Variants in FLRT2 observed in about 807,000 individuals in gnomAD.
FLRT2 encodes fibronectin leucine rich transmembrane protein 2.
Under a neutral mutation model 40.0 loss-of-function variants are expected in FLRT2, and 15 were observed. The ratio of observed to expected loss-of-function variants is 0.38; its 90% CI spans 0.25 to 0.58. The LOEUF is 0.58. Among genes scored for constraint, FLRT2 ranks in the 20% least tolerant of loss-of-function variants. The pLI, the probability that FLRT2 is intolerant of heterozygous loss-of-function variation, is 0.71. For missense variants in FLRT2, 726 were observed against 840.0 expected, an observed-to-expected ratio of 0.86 and a Z score of 1.68; for synonymous variants, 380 against 336.8, an observed-to-expected ratio of 1.13 and a Z score of -1.41.
intron 1 of FLRT2, among the ~76,000 whole-genome samples, chr14:85,596,550 G>A (rs539799926): frequency 1.3e-5 from 2 of 152,064 alleles, no homozygotes; most frequent in South Asian, 4.2e-4. Context: ...TTTTAATGTG[G>A]GAATTTATTT....
At chr14:85,538,898 A>G (rs539638012) in intron 1 of FLRT2, among the ~76,000 whole-genome samples, 1 of 152,264 alleles carries the variant, frequency 6.6e-6, no homozygotes, top group African/African-American at 2.4e-5. Context: ...ATCAGAATCT[A>G]GCATCTAAAC....
chr14:85,641,804 A>G lies in FLRT2; in HGVS notation c.*18307A>G, dbSNP rs1764174836. 1 of 152,212 alleles carries G rather than the reference A, an allele frequency of 6.6e-6. No homozygotes were observed. Among genetic ancestry groups the G allele is most frequent in the East Asian group, 1.9e-4 (1 of 5,194 alleles). 9.4% of individuals were successfully genotyped at this position (152,212 alleles called of 1,614,324 possible). A position where few individuals can be genotyped will look rare whatever the true frequency, so the allele number is the denominator to read the frequency against. On this transcript the variant is annotated 3_prime_UTR_variant, in exon 2 of 2. Transcript: ENST00000330753. ...ACCTAAACTGTCTGAATTTGAAAGT[A>G]GAGACAATCTTATTCATGCATAATG... is the stretch of plus-strand genomic sequence containing the variant.
chr14:85,631,126 A>ATATATATATATATATATATATATATATG lies in FLRT2; in HGVS notation c.*7632_*7633insATATATATATATATATATATATATGTAT, dbSNP rs1893862107. ...TAATCTAGATTTTATATATATATAT[A>ATATATATATATATATATATATATATATG]TATGAAATGAGCAAACAAAATGCTT... is the stretch of plus-strand genomic sequence containing the variant. On this transcript the variant is annotated 3_prime_UTR_variant, in exon 2 of 2. Transcript: ENST00000330753. 7.2e-6 allele frequency: 1 copy of ATATATATATATATATATATATATATATG among 139,546 alleles called. No homozygotes were observed. Among genetic ancestry groups the ATATATATATATATATATATATATATATG allele is most frequent in the Non-Finnish European group, 1.5e-5 (1 of 65,654 alleles). 8.6% of individuals were successfully genotyped at this position (139,546 alleles called of 1,614,324 possible). A position where few individuals can be genotyped will look rare whatever the true frequency, so the allele number is the denominator to read the frequency against.
chr14:85,561,843 T>C (rs1316656283), intron 1 of FLRT2, among the ~76,000 whole-genome samples: 1 of 152,268 alleles, frequency 6.6e-6, no homozygotes, highest in African/African-American at 2.4e-5. Flanking sequence ...CCCCGGTCTT[T>C]GGTAAAATTA....
In FLRT2 at chr14:85,621,772, T is replaced by C. The variant is rs1435771853; in HGVS notation, c.258T>C (p.Asn86=). ...NNAGFPAELH[N]VQSVHTVYLY... ...CTGGATTTCCTGCAGAACTGCACAATGTACAGTCGGTGCACACGGTCTACC... is the reference window on the plus strand; with the variant it reads ...CTGGATTTCCTGCAGAACTGCACAACGTACAGTCGGTGCACACGGTCTACC... Residue 86 remains asparagine, a synonymous_variant, in exon 2 of 2, where the codon AAT becomes AAC. Transcript: ENST00000330753. 2 of 1,614,228 alleles carry C rather than the reference T, an allele frequency of 1.2e-6. No homozygotes were observed. The highest frequency in any genetic ancestry group is 1.7e-5 in the Admixed American group (1 of 60,028).
intron 1 of FLRT2, among the ~76,000 whole-genome samples, chr14:85,539,617 T>G (rs1332589989): frequency 1.3e-5 from 2 of 152,210 alleles, no homozygotes; most frequent in Non-Finnish European, 2.9e-5. Flanking sequence ...ATGAATTACT[T>G]AATCTCCTGG....
At chr14:85,614,545 C>T (rs969661465) in intron 1 of FLRT2, among the ~76,000 whole-genome samples, 8 of 152,134 alleles carry the variant, frequency 5.3e-5, no homozygotes, top group African/African-American at 7.2e-5. Flanking sequence ...GTTTCAATTC[C>T]CTGAAAGCAA....
In FLRT2 at chr14:85,644,449, C is replaced by A. The variant is rs1894242535; in HGVS notation, c.*20952C>A. 2 of 152,146 alleles carry A rather than the reference C, an allele frequency of 1.3e-5. No homozygotes were observed. Among genetic ancestry groups the A allele is most frequent in the African/African-American group, 4.8e-5 (2 of 41,442 alleles). The allele number at this position is 152,146 out of a possible 1,614,324, so 9.4% of individuals were successfully genotyped here. Reference sequence around the variant, plus strand: ...TACCAGAGGATGTCCCACAGGTCTACAGCTTAATAACATCATGTGACTGAA... The same window carrying A: ...TACCAGAGGATGTCCCACAGGTCTAAAGCTTAATAACATCATGTGACTGAA... On this transcript the variant is annotated 3_prime_UTR_variant, in exon 2 of 2. Coordinates refer to ENST00000330753, the MANE Select transcript of FLRT2 (RefSeq NM_013231.6).
intron 1 of FLRT2, among the ~76,000 whole-genome samples, chr14:85,570,236 A>G (rs1890824528): frequency 6.6e-6 from 1 of 152,212 alleles, no homozygotes; most frequent in South Asian, 2.1e-4. Flanking sequence ...TTTTATAGGC[A>G]TCACATTCCA....
At chr14:85,550,985 G>C (rs988852169) in intron 1 of FLRT2, among the ~76,000 whole-genome samples, 5 of 152,128 alleles carry the variant, frequency 3.3e-5, no homozygotes, top group Admixed American at 6.5e-5. Context: ...CCTCCTCCAT[G>C]ATTCTGTCTT....
intron 1 of FLRT2, among the ~76,000 whole-genome samples, chr14:85,582,325 G>A (rs573694530): frequency 3.9e-5 from 6 of 152,246 alleles, no homozygotes; most frequent in South Asian, 4.1e-4. Flanking sequence ...TGAAAGTGAC[G>A]GAAAGCTTGA....
At position 85,652,572 on chromosome 14, in the gene FLRT2, T is replaced by C. The variant is rs780123924; in HGVS notation, c.*29075T>C. 3.3e-5 allele frequency: 5 copies of C among 152,182 alleles called. No homozygotes were observed. Among genetic ancestry groups the C allele is most frequent in the Non-Finnish European group, 5.9e-5 (4 of 68,004 alleles). The allele number at this position is 152,182 out of a possible 1,614,324, so 9.4% of individuals were successfully genotyped here. A position where few individuals can be genotyped will look rare whatever the true frequency, so the allele number is the denominator to read the frequency against. On this transcript the variant is annotated 3_prime_UTR_variant, in exon 2 of 2. Transcript: ENST00000330753. The stretch of plus-strand genomic sequence containing the variant: ...CTAAAAGCCTTTGAATAAAATATTA[T>C]ACAACTTTAAATAAATTTAAGATGA...
chr14:85,619,687 C>T (rs1893297983), intron 1 of FLRT2, among the ~76,000 whole-genome samples: 1 of 152,118 alleles, frequency 6.6e-6, no homozygotes. Context: ...TAAGTTGTTT[C>T]AATCTCCATG....
In FLRT2 at chr14:85,621,661, T is replaced by C. The variant is rs146660099; in HGVS notation, c.147T>C (p.Cys49=). The C allele has an allele frequency of 1.3e-5, 21 of 1,614,128 alleles. No homozygotes were observed. Among genetic ancestry groups the C allele is most frequent in the Non-Finnish European group, 1.8e-5 (21 of 1,180,024 alleles). ...GCTGCGACAGGAACTTTGTCTACTG[T>C]AATGAGCGAAGCTTGACCTCAGTGC... The part of the protein sequence containing the change: ...VCRCDRNFVY[C]NERSLTSVPL... Residue 49 remains cysteine, a synonymous_variant, in exon 2 of 2, where the codon TGT becomes TGC. Transcript: ENST00000330753.
chr14:85,545,064 C>T (rs1889203916), intron 1 of FLRT2, among the ~76,000 whole-genome samples: 1 of 152,078 alleles, frequency 6.6e-6, no homozygotes, highest in African/African-American at 2.4e-5. Flanking sequence ...AGACACTACC[C>T]CTTAATACTG....
rs1487127048 is a variant in FLRT2 at position 85,630,961 on chromosome 14, G to A, written c.*7464G>A. Reference sequence around the variant, plus strand: ...ATACTGCAGTGCTTGCAAAACATGCGTTTTTATTGCTTGCAAGATAGAATT... The same window carrying A: ...ATACTGCAGTGCTTGCAAAACATGCATTTTTATTGCTTGCAAGATAGAATT... On this transcript the variant is annotated 3_prime_UTR_variant, in exon 2 of 2. Coordinates refer to ENST00000330753, the MANE Select transcript of FLRT2 (RefSeq NM_013231.6). 2.6e-5 allele frequency: 4 copies of A among 151,626 alleles called. No individual in the cohort carries two copies. In the South Asian group the frequency reaches 6.2e-4, roughly 24 times the overall value. 9.4% of individuals were successfully genotyped at this position (151,626 alleles called of 1,614,324 possible).
rs755849167 is a variant in FLRT2 at position 85,621,629 on chromosome 14, G to A, written c.115G>A (p.Val39Met). The A allele has an allele frequency of 2.5e-6, 4 of 1,613,954 alleles. No homozygotes were observed. The highest frequency in any genetic ancestry group is 3.4e-6 in the Non-Finnish European group (4 of 1,180,032). ...GTCCAAACTCCTGGCCTGCCCTAGTGTGTGCCGCTGCGACAGGAACTTTGT... is the reference window on the plus strand; with the variant it reads ...GTCCAAACTCCTGGCCTGCCCTAGTATGTGCCGCTGCGACAGGAACTTTGT... ...QVSKLLACPS[V>M]CRCDRNFVYC... Residue 39 changes from valine to methionine, a missense_variant, in exon 2 of 2, where the codon GTG (valine) becomes ATG (methionine). This residue lies in a region of FLRT2 where 106 missense variants were observed against 121.2 expected (regional missense o/e 0.87). Coordinates refer to ENST00000330753, the MANE Select transcript of FLRT2 (RefSeq NM_013231.6).
intron 1 of FLRT2, among the ~76,000 whole-genome samples, chr14:85,599,109 A>C (rs1892269803): frequency 6.6e-6 from 1 of 151,610 alleles, no homozygotes; most frequent in South Asian, 2.1e-4. Context: ...TTTAGTAGAG[A>C]CAGGTTTTCA....
intron 1 of FLRT2, among the ~76,000 whole-genome samples, chr14:85,608,376 C>T (rs187724141): frequency 1.2e-3 from 187 of 151,978 alleles, no homozygotes; most frequent in Admixed American, 3.2e-3. Flanking sequence ...ATTGCAAGAG[C>T]GAGCCTGCCA....
Sources: allele counts gnomAD v4.1 joint callset (sites outside exome capture counted in the v4.1 genomes callset), GRCh38; gene constraint gnomAD v4.1.1; regional missense constraint gnomAD v4.1.1; transcripts MANE v1.5; gene names NCBI Gene and HGNC (gene_info 2026-07-23, HGNC 2026-07-21).